COL4A6: variants seen among roughly 807,000 people sequenced by gnomAD.
COL4A6 encodes collagen alpha-6(IV) chain.
Under a neutral mutation model 126.7 loss-of-function variants are expected in COL4A6, and 59 were observed. That is an observed-to-expected ratio of 0.47 (90% CI 0.38 to 0.58). The LOEUF (loss-of-function observed/expected upper bound fraction) is 0.58. COL4A6 is among the 20% of genes least tolerant of loss of function. The pLI is 0.00. For missense variants in COL4A6, 1,285 were observed against 1,337.3 expected, an observed-to-expected ratio of 0.96 and a Z score of 0.61; for synonymous variants, 547 against 496.6, an observed-to-expected ratio of 1.10 and a Z score of -1.35.
At chrX:108,421,237 G>A (rs1419257209) in intron 2 of COL4A6, among the ~76,000 whole-genome samples, 1 of 112,195 alleles carries the variant, frequency 8.9e-6, no homozygotes. Flanking sequence ...CAACACAGTG[G>A]TATGAGGATT....
chrX:108,164,971 G>A lies in COL4A6; in HGVS notation c.3876C>T (p.Asp1292=), dbSNP rs1284607036. 3.3e-6 allele frequency: 4 copies of A among 1,208,843 alleles called. No homozygotes were observed. The African/African-American group carries it at 5.3e-5, about 16-fold the overall frequency. Residue 1292 remains aspartate (D), a synonymous_variant, in exon 39 of 45, where the codon GAC becomes GAT. Coordinates refer to ENST00000334504, the MANE Select transcript of COL4A6 (RefSeq NM_033641.4). Reference sequence around the variant, plus strand: ...GTCCAGGAATTCCAGGGAAGCCAGGGTCTCCGGTGTCGCCTTGATTCGAGG... The same window carrying A: ...GTCCAGGAATTCCAGGGAAGCCAGGATCTCCGGTGTCGCCTTGATTCGAGG... ...GPSSNQGDTG[D]PGFPGIPGPK... is the part of the protein sequence containing the mutation.
intron 2 of COL4A6, among the ~76,000 whole-genome samples, chrX:108,360,059 C>T (rs2040048519): frequency 9.0e-6 from 1 of 111,651 alleles, no homozygotes; most frequent in Non-Finnish European, 1.9e-5. Context: ...ATGTTTTGGT[C>T]TGTGCAGTAC....
chrX:108,364,882 G>A (rs1243739368), intron 2 of COL4A6, among the ~76,000 whole-genome samples: 2 of 110,827 alleles, frequency 1.8e-5, no homozygotes, highest in Non-Finnish European at 3.8e-5. Context: ...TCCATATCTT[G>A]GCTATGGTGA....
chrX:108,429,993 C>T (rs1282451843), intron 2 of COL4A6, among the ~76,000 whole-genome samples: 1 of 111,615 alleles, frequency 9.0e-6, no homozygotes, highest in African/African-American at 3.3e-5. Flanking sequence ...TCCTGGACAT[C>T]CTAAGTACAA....
chrX:108,179,426 G>A lies in COL4A6; in HGVS notation c.2144C>T (p.Pro715Leu). ...CCCAGGCAAGCCCTTCTCCCCACGA[G>A]GTCCAGGAAATCCTAAACGTAAAAA... ...HLPELPGFPG[P>L]RGEKGLPGFP... The change falls in exon 26 of 45, where the codon CCT becomes CTT. Residue 715 changes from proline (P) to leucine (L), a missense_variant. Coordinates refer to ENST00000334504, the MANE Select transcript of COL4A6 (RefSeq NM_033641.4). The A allele has an allele frequency of 8.3e-7, 1 of 1,200,692 alleles. No individual in the cohort carries two copies.
rs927010587 is a variant in COL4A6 at position 108,178,328 on chromosome X, G to A, written c.2515+356C>T. ...CAAGCTTCTCCCCAACCAAAAGCAG[G>A]CTGCCCACAGCACCAGTGAAGGCAT... is the stretch of plus-strand genomic sequence containing the variant. On this transcript the variant is annotated intron_variant, in intron 27 of 44. Coordinates refer to ENST00000334504, the MANE Select transcript of COL4A6 (RefSeq NM_033641.4). Among the ~76,000 whole-genome samples the A allele has an allele frequency of 2.7e-5, 3 of 112,365 alleles. No individual in the cohort carries two copies. The Admixed American group carries it at 2.8e-4, about 11-fold the overall frequency.
intron 2 of COL4A6, among the ~76,000 whole-genome samples, chrX:108,386,092 G>A (rs1191077435): frequency 9.0e-6 from 1 of 111,719 alleles, no homozygotes; most frequent in African/African-American, 3.3e-5. Context: ...GGGTATATGT[G>A]CCACATTTTC....
chrX:108,355,937 G>A (rs929787572), intron 2 of COL4A6, among the ~76,000 whole-genome samples: 1 of 111,122 alleles, frequency 9.0e-6, no homozygotes, highest in Non-Finnish European at 1.9e-5. Context: ...TTTCAGAGGA[G>A]GAAACTAAGC....
At chrX:108,235,630 A>G (rs982841135) in intron 3 of COL4A6, among the ~76,000 whole-genome samples, 6 of 111,302 alleles carry the variant, frequency 5.4e-5, no homozygotes. Flanking sequence ...CTAAAGACTC[A>G]TGTTTTGTCA....
chrX:108,362,814 G>C (rs1054791963), intron 2 of COL4A6, among the ~76,000 whole-genome samples: 1 of 111,355 alleles, frequency 9.0e-6, no homozygotes, highest in Non-Finnish European at 1.9e-5. Context: ...ACCTGTCCAG[G>C]AGTCTTTTCT....
intron 23 of COL4A6, among the ~76,000 whole-genome samples, chrX:108,182,573 G>C (rs1474252287): frequency 8.9e-6 from 1 of 112,266 alleles, no homozygotes; most frequent in African/African-American, 3.2e-5. Flanking sequence ...ATGCTCTACA[G>C]GTCAACACTT....
intron 8 of COL4A6, among the ~76,000 whole-genome samples, chrX:108,207,077 T>A (rs141748004): frequency 0.03 from 3,308 of 111,536 alleles, 118 homozygotes; most frequent in African/African-American, 0.1. Context: ...AAACATACAC[T>A]TAAGAGTTAG....
chrX:108,351,236 T>G (rs2039834284), intron 2 of COL4A6, among the ~76,000 whole-genome samples: 1 of 111,676 alleles, frequency 9.0e-6, no homozygotes. Context: ...TAGAAAAATG[T>G]AAGTCACTTC....
intron 5 of COL4A6, among the ~76,000 whole-genome samples, chrX:108,217,739 A>T (rs913707867): frequency 8.9e-6 from 1 of 111,923 alleles, no homozygotes; most frequent in East Asian, 2.8e-4. Context: ...AGGCTTCAAG[A>T]GAGAGAAACA....
chrX:108,195,668 G>A (rs1379767426), intron 14 of COL4A6, among the ~76,000 whole-genome samples: 1 of 111,918 alleles, frequency 8.9e-6, no homozygotes, highest in South Asian at 3.7e-4. Context: ...AGTAGTAGGT[G>A]GAATTTGATA....
In COL4A6 at chrX:108,351,444, G is replaced by C. The variant is rs778959921; in HGVS notation, c.64-40616C>G. ...AAAAAGGAGGTAACTCTCTCTCTCTGTGTGTGTGTGTGTGTGTGTGTGTGT... is the reference window on the plus strand; with the variant it reads ...AAAAAGGAGGTAACTCTCTCTCTCTCTGTGTGTGTGTGTGTGTGTGTGTGT... On this transcript the variant is annotated intron_variant, in intron 2 of 44. Transcript: ENST00000334504. Among the ~76,000 whole-genome samples, 210 of 97,297 alleles carry C rather than the reference G, an allele frequency of 2.2e-3. 1 individual carries two copies. The highest frequency in any genetic ancestry group is 5.3e-3 in the Middle Eastern group (1 of 189). 84.5% of individuals were successfully genotyped at this position (97,297 alleles called of 115,157 possible).
chrX:108,185,094 T>C (rs1010941207), intron 23 of COL4A6, among the ~76,000 whole-genome samples: 3 of 111,862 alleles, frequency 2.7e-5, no homozygotes, highest in Non-Finnish European at 5.6e-5. Flanking sequence ...AATGATTTTA[T>C]TTGCTAAATC....
At chrX:108,377,753 C>A (rs1215456334) in intron 2 of COL4A6, among the ~76,000 whole-genome samples, 4 of 106,773 alleles carry the variant, frequency 3.7e-5, no homozygotes, top group Non-Finnish European at 7.7e-5. Context: ...CATGGTGAAA[C>A]CCCGTCTCTA....
At chrX:108,220,296 T>A (rs188799038) in intron 4 of COL4A6, among the ~76,000 whole-genome samples, 1 of 112,177 alleles carries the variant, frequency 8.9e-6, no homozygotes, top group East Asian at 2.8e-4. Context: ...CCAAGTGCTA[T>A]CCCTATGTGG....
Sources: gnomAD v4.1 joint callset for allele counts (sites outside exome capture counted in the v4.1 genomes callset) on GRCh38, gnomAD v4.1.1 for gene constraint, MANE v1.5 for transcripts, NCBI Gene and HGNC (gene_info 2026-07-23, HGNC 2026-07-21) for gene names.